PCP4: variants seen among roughly 807,000 people sequenced by gnomAD.
The protein encoded by PCP4 is Purkinje cell protein 4.
In PCP4, 8 loss-of-function variants were observed where a neutral mutation model predicts 10.0. That is an observed-to-expected ratio of 0.80 (90% CI 0.47 to 1.45). The LOEUF (loss-of-function observed/expected upper bound fraction) is 1.45. Among genes scored for constraint, PCP4 ranks in the 40% most tolerant of loss-of-function variants. The pLI is 0.00. For synonymous variants in PCP4, 21 were observed against 23.0 expected, an observed-to-expected ratio of 0.91 and a Z score of 0.24; for missense variants, 54 against 74.4, an observed-to-expected ratio of 0.73 and a Z score of 1.01.
At chr21:39,887,545 T>G (rs1226905180) in intron 1 of PCP4, among the ~76,000 whole-genome samples, 3 of 152,224 alleles carry the variant, frequency 2.0e-5, no homozygotes, top group Admixed American at 2.0e-4. Context: ...AAGTCTCTTC[T>G]GCTCATCAGA....
chr21:39,924,705 C>T (rs1371478853), intron 2 of PCP4, among the ~76,000 whole-genome samples: 1 of 152,134 alleles, frequency 6.6e-6, no homozygotes. Flanking sequence ...AAATTAGCTG[C>T]CACCACTCCT....
chr21:39,885,405 C>G (rs1002158405), intron 1 of PCP4, among the ~76,000 whole-genome samples: 2 of 152,234 alleles, frequency 1.3e-5, no homozygotes, highest in African/African-American at 4.8e-5. Flanking sequence ...GCTCTGACCA[C>G]AGCTTGTCCC....
intron 1 of PCP4, among the ~76,000 whole-genome samples, chr21:39,886,264 C>T (rs995694032): frequency 1.3e-5 from 2 of 152,036 alleles, no homozygotes; most frequent in Admixed American, 6.6e-5. Context: ...CCATTCAGAA[C>T]CTTCTATGAT....
At chr21:39,893,934 G>A (rs117660898) in intron 1 of PCP4, among the ~76,000 whole-genome samples, 3,067 of 152,262 alleles carry the variant, frequency 0.02, 52 homozygotes, top group Non-Finnish European at 0.032. Context: ...CACCAGGGAC[G>A]CTGATTTCAG....
chr21:39,876,681 GA>G (rs1221651957), intron 1 of PCP4, among the ~76,000 whole-genome samples: 2 of 152,212 alleles, frequency 1.3e-5, no homozygotes, highest in African/African-American at 4.8e-5. Context: ...AGCTATGAAT[GA>G]AACCTAATTT....
intron 2 of PCP4, 103 bp from the exon 3 acceptor site, chr21:39,928,881 G>A: frequency 1.8e-6 from 2 of 1,117,598 alleles, no homozygotes; most frequent in Non-Finnish European, 2.6e-6. Context: ...GCCCCTGTGT[G>A]TGCCCCAAGG....
intron 1 of PCP4, among the ~76,000 whole-genome samples, chr21:39,888,361 A>G (rs2087411280): frequency 1.3e-5 from 2 of 152,266 alleles, no homozygotes; most frequent in African/African-American, 4.8e-5. Context: ...CTTTCTTTTC[A>G]TAAACCACCC....
At chr21:39,917,037 G>A (rs1168439203) in intron 2 of PCP4, among the ~76,000 whole-genome samples, 6 of 152,036 alleles carry the variant, frequency 3.9e-5, no homozygotes, top group Non-Finnish European at 5.9e-5. Flanking sequence ...CATGGCACAC[G>A]TTTACCTATG....
intron 2 of PCP4, among the ~76,000 whole-genome samples, chr21:39,910,747 C>A (rs528275620): frequency 6.6e-6 from 1 of 152,372 alleles, no homozygotes; most frequent in Admixed American, 6.5e-5. Flanking sequence ...GGCATTTTTG[C>A]TGACTGTTTT....
At chr21:39,882,135 G>A (rs2087378997) in intron 1 of PCP4, among the ~76,000 whole-genome samples, 1 of 152,204 alleles carries the variant, frequency 6.6e-6, no homozygotes, top group Non-Finnish European at 1.5e-5. Context: ...CATCTTTGCC[G>A]AACTTGGAGG....
chr21:39,929,139 A>C lies in PCP4; in HGVS notation c.*28A>C. 1 of 1,592,950 alleles carries C rather than the reference A, an allele frequency of 6.3e-7. No individual in the cohort carries two copies. The highest frequency in any genetic ancestry group is 8.6e-7 in the Non-Finnish European group (1 of 1,168,914). On this transcript the variant is annotated 3_prime_UTR_variant, in exon 3 of 3. Coordinates refer to ENST00000328619, the MANE Select transcript of PCP4 (RefSeq NM_006198.3). ...GGAGAACCCCCTCCTAGTCCACCTGAAAACACCAAATTCAACCATCATCTG... is the reference window on the plus strand; with the variant it reads ...GGAGAACCCCCTCCTAGTCCACCTGCAAACACCAAATTCAACCATCATCTG...
chr21:39,891,102 G>A (rs921541882), intron 1 of PCP4, among the ~76,000 whole-genome samples: 9 of 152,118 alleles, frequency 5.9e-5, no homozygotes, highest in East Asian at 1.9e-4. Context: ...AACTATTCAC[G>A]TGGAACTTGA....
chr21:39,903,374 A>G (rs1206711364), intron 2 of PCP4, among the ~76,000 whole-genome samples: 1 of 151,918 alleles, frequency 6.6e-6, no homozygotes, highest in Non-Finnish European at 1.5e-5. Context: ...CCTCACATCC[A>G]GGCTGTAGGT....
chr21:39,916,673 T>C (rs528420211), intron 2 of PCP4, among the ~76,000 whole-genome samples: 12 of 152,338 alleles, frequency 7.9e-5, no homozygotes, highest in African/African-American at 2.6e-4. Flanking sequence ...TATATGTTCA[T>C]TGCAGCACTA....
chr21:39,888,769 C>T (rs954767695), intron 1 of PCP4, among the ~76,000 whole-genome samples: 1 of 152,176 alleles, frequency 6.6e-6, no homozygotes, highest in Non-Finnish European at 1.5e-5. Context: ...TCGGGCCCAG[C>T]CCAGGACCTG....
At chr21:39,893,767 T>C (rs143406426) in intron 1 of PCP4, among the ~76,000 whole-genome samples, 91 of 152,374 alleles carry the variant, frequency 6.0e-4, no homozygotes, top group African/African-American at 2.1e-3. Context: ...TATTTGTGAT[T>C]GTGAAGGTCA....
chr21:39,895,780 G>T (rs1420628532), intron 1 of PCP4, among the ~76,000 whole-genome samples: 1 of 152,200 alleles, frequency 6.6e-6, no homozygotes. Context: ...CCAGCCTGGT[G>T]TAGACTCTCT....
intron 2 of PCP4, among the ~76,000 whole-genome samples, chr21:39,907,997 G>A (rs755018809): frequency 2.0e-5 from 3 of 152,096 alleles, no homozygotes; most frequent in Admixed American, 6.5e-5. Context: ...AGGTCACCCT[G>A]TTCCCCTGTT....
At chr21:39,881,319 T>C (rs1248894539) in intron 1 of PCP4, among the ~76,000 whole-genome samples, 2 of 152,292 alleles carry the variant, frequency 1.3e-5, no homozygotes, top group East Asian at 1.9e-4. Flanking sequence ...TAGAGAAACA[T>C]GTTTGGCAGC....
Sources: allele counts gnomAD v4.1 joint callset (sites outside exome capture counted in the v4.1 genomes callset), GRCh38; gene constraint gnomAD v4.1.1; transcripts MANE v1.5; gene names NCBI Gene and HGNC (gene_info 2026-07-23, HGNC 2026-07-21).